Variants in HSPH1 observed in about 807,000 individuals in gnomAD.
HSPH1 encodes heat shock protein 105 kDa.
Under a neutral mutation model 100.0 loss-of-function variants are expected in HSPH1, and 40 were observed. The ratio of observed to expected loss-of-function variants is 0.40; its 90% confidence interval spans 0.31 to 0.52. HSPH1 has a LOEUF of 0.52. Ranked by LOEUF, HSPH1 falls within the 20% of genes least tolerant of loss-of-function variation. The pLI is 0.54. For missense variants in HSPH1, 876 were observed against 1,015.1 expected, an observed-to-expected ratio of 0.86 and a Z score of 1.86; for synonymous variants, 403 against 344.0, an observed-to-expected ratio of 1.17 and a Z score of -1.90.
chr13:31,139,385 T>C (rs3827693), intron 14 of HSPH1, among the ~76,000 whole-genome samples: 39,570 of 151,958 alleles, frequency 0.26, 5,361 homozygotes, highest in East Asian at 0.46. Flanking sequence ...TTTGTTGACT[T>C]ACACAACTAT....
At chr13:31,139,170 A>G in intron 14 of HSPH1, 63 bp from the exon 15 acceptor site, 2 of 1,054,578 alleles carry the variant, frequency 1.9e-6, no homozygotes, top group Non-Finnish European at 3.0e-6. Context: ...CAACAAAACA[A>G]AGAGGTATTC....
chr13:31,158,040 T>C (rs988671225), intron 2 of HSPH1, among the ~76,000 whole-genome samples: 1 of 152,236 alleles, frequency 6.6e-6, no homozygotes, highest in Non-Finnish European at 1.5e-5. Flanking sequence ...GGCTACCATA[T>C]TTTTTAAACA....
intron 10 of HSPH1, among the ~76,000 whole-genome samples, chr13:31,147,090 G>A (rs1956289483): frequency 6.6e-6 from 1 of 152,102 alleles, no homozygotes; most frequent in Non-Finnish European, 1.5e-5. Flanking sequence ...AAGCATGTAC[G>A]ACGTTTTCAG....
At chr13:31,137,895 A>C (rs1955941985) in intron 17 of HSPH1, among the ~76,000 whole-genome samples, 2 of 152,180 alleles carry the variant, frequency 1.3e-5, no homozygotes, top group Non-Finnish European at 1.5e-5. Context: ...TGAAACTGAC[A>C]GTGCTTAAAA....
In HSPH1 at chr13:31,161,767, CG is replaced by C; in HGVS notation, c.-186del. 6.6e-7 allele frequency: 1 copy of C among 1,509,010 alleles called. No homozygotes were observed. Among genetic ancestry groups the C allele is most frequent in the South Asian group, 1.2e-5 (1 of 81,934 alleles). 93.5% of individuals were successfully genotyped at this position (1,509,010 alleles called of 1,614,324 possible). ...GCCTGTCAGGAGCCTCCTACTCCCCCGGGGACAGCGGCGGCTGGCTGATAAG... is the reference window on the plus strand; with the variant it reads ...GCCTGTCAGGAGCCTCCTACTCCCCCGGGACAGCGGCGGCTGGCTGATAAG... On this transcript the variant is annotated 5_prime_UTR_variant, in exon 1 of 18. Transcript: ENST00000320027.
intron 16 of HSPH1, 41 bp from the exon 17 acceptor site, chr13:31,138,609 A>G: frequency 2.5e-6 from 4 of 1,570,474 alleles, no homozygotes; most frequent in Middle Eastern, 1.7e-4. Flanking sequence ...AATTTATTGA[A>G]CAATAGTATC....
Position 31,148,240 on chromosome 13 carries a change from T to C in HSPH1, c.1244+134A>G, listed in dbSNP as rs113896908. 4.5e-3 allele frequency: 4,911 copies of C among 1,080,406 alleles called. 169 individuals carry two copies. The African/African-American group carries it at 0.072, about 16-fold the overall frequency. The allele number at this position is 1,080,406 out of a possible 1,614,324, so 66.9% of individuals were successfully genotyped here. A position where few individuals can be genotyped will look rare whatever the true frequency, so the allele number is the denominator to read the frequency against. On this transcript the variant is annotated intron_variant, in intron 9 of 17. Coordinates refer to ENST00000320027, the MANE Select transcript of HSPH1 (RefSeq NM_006644.4). ...AAAATGAGAGAAATATTTTGGTAGA[T>C]TTGGTTGTTCAAAGATTCCAGGTAA... is the stretch of plus-strand genomic sequence containing the variant.
chr13:31,148,080 G>A lies in HSPH1; in HGVS notation c.1257C>T (p.Val419=), dbSNP rs751991641. 4.4e-6 allele frequency: 7 copies of A among 1,606,618 alleles called. No homozygotes were observed. Among genetic ancestry groups the A allele is most frequent in the East Asian group, 4.5e-5 (2 of 44,778 alleles). ...AAGGAGCAGCATGGTTTCGACTAAAGACTTCATGAACACTAGAGAGAAAAG... is the reference window on the plus strand; with the variant it reads ...AAGGAGCAGCATGGTTTCGACTAAAAACTTCATGAACACTAGAGAGAAAAG... ...DSEDTEGVHE[V]FSRNHAAPFS... is the part of the protein sequence containing the mutation. Residue 419 remains valine (V), a synonymous_variant, in exon 10 of 18, where the codon GTC becomes GTT. Coordinates refer to ENST00000320027, the MANE Select transcript of HSPH1 (RefSeq NM_006644.4).
At chr13:31,154,857 T>G in intron 3 of HSPH1, 102 bp from the exon 4 acceptor site, 3 of 987,048 alleles carry the variant, frequency 3.0e-6, no homozygotes, top group Non-Finnish European at 4.4e-6. Context: ...CACAAAATCT[T>G]TATTTTATTG....
At chr13:31,147,841 C>T (rs781505523) in intron 10 of HSPH1, 118 bp downstream of exon 10, 16 of 831,158 alleles carry the variant, frequency 1.9e-5, no homozygotes, top group Non-Finnish European at 2.5e-5. Flanking sequence ...AATGTCTTCA[C>T]ACAGAATTAT....
rs1228016531 is a variant in HSPH1 at position 31,161,862 on chromosome 13, T to A, written c.-280A>T. 1 of 1,483,694 alleles carries A rather than the reference T, an allele frequency of 6.7e-7. No homozygotes were observed. The highest frequency in any genetic ancestry group is 1.4e-5 in the African/African-American group (1 of 71,680). The allele number at this position is 1,483,694 out of a possible 1,614,324, so 91.9% of individuals were successfully genotyped here. A position where few individuals can be genotyped will look rare whatever the true frequency, so the allele number is the denominator to read the frequency against. On this transcript the variant is annotated 5_prime_UTR_variant, in exon 1 of 18. Transcript: ENST00000320027. ...GCACCTCGGGTTGCCTGCCTCACTCTGCCGCGGCTCGCACACCGGCGCCGG... is the reference window on the plus strand; with the variant it reads ...GCACCTCGGGTTGCCTGCCTCACTCAGCCGCGGCTCGCACACCGGCGCCGG...
chr13:31,146,649 A>G (rs1463888040), intron 10 of HSPH1, among the ~76,000 whole-genome samples: 1 of 152,196 alleles, frequency 6.6e-6, no homozygotes, highest in Admixed American at 6.5e-5. Flanking sequence ...GGGTTCCAGA[A>G]CATTACTAAT....
intron 6 of HSPH1, 183 bp downstream of exon 6, chr13:31,151,420 TTAAGAG>T: frequency 1.5e-6 from 1 of 681,854 alleles, no homozygotes; most frequent in East Asian, 2.8e-5. Flanking sequence ...ACAAGAACAC[TTAAGAG>T]TATGCTAAGA....
rs575218331 is a variant in HSPH1 at position 31,156,247 on chromosome 13, G to A, written c.166-593C>T. Among the ~76,000 whole-genome samples the A allele has an allele frequency of 8.5e-5, 13 of 152,204 alleles. No homozygotes were observed. The South Asian group carries it at 2.1e-3, about 24-fold the overall frequency. ...CTACTAAAAATACAAAAAATTAGCC[G>A]GGCGTGGTTGCGGGCACCTGCAGTC... On this transcript the variant is annotated intron_variant, in intron 2 of 17. Transcript: ENST00000320027.
At chr13:31,147,853 T>C in intron 10 of HSPH1, 106 bp downstream of exon 10, 1 of 892,414 alleles carries the variant, frequency 1.1e-6, no homozygotes, top group South Asian at 2.0e-5. Flanking sequence ...CAGAATTATG[T>C]TCCCCTCAAC....
intron 11 of HSPH1, among the ~76,000 whole-genome samples, chr13:31,144,287 A>G (rs917950118): frequency 3.9e-5 from 6 of 152,124 alleles, no homozygotes; most frequent in African/African-American, 1.2e-4. Flanking sequence ...TCCTAGAAAC[A>G]AGCTTCCAAA....
In HSPH1 at chr13:31,136,980, A is replaced by C. The variant is rs932606080; in HGVS notation, c.*338T>G. 2.7e-6 allele frequency: 1 copy of C among 372,472 alleles called. No homozygotes were observed. Among genetic ancestry groups the C allele is most frequent in the African/African-American group, 2.2e-5 (1 of 45,478 alleles). The allele number at this position is 372,472 out of a possible 1,614,324, so 23.1% of individuals were successfully genotyped here. Reference sequence around the variant, plus strand: ...ACTACCTTGGCAGGAACAAATGCTTAAAGATTTTAATCACAGCCCTCTTGA... The same window carrying C: ...ACTACCTTGGCAGGAACAAATGCTTCAAGATTTTAATCACAGCCCTCTTGA... On this transcript the variant is annotated 3_prime_UTR_variant, in exon 18 of 18. Transcript: ENST00000320027.
rs1212268082 is a variant in HSPH1 at position 31,135,085 on chromosome 13, G to A, written c.*2233C>T. On this transcript the variant is annotated 3_prime_UTR_variant, in exon 18 of 18. Transcript: ENST00000320027. ...TATTCAAACTGGTGCATATCTTTGA[G>A]ATCCTCGATGATTACTAGGTATATA... is the stretch of plus-strand genomic sequence containing the variant. 1 of 152,150 alleles carries A rather than the reference G, an allele frequency of 6.6e-6. No individual in the cohort carries two copies. The highest frequency in any genetic ancestry group is 1.5e-5 in the Non-Finnish European group (1 of 68,026). 9.4% of individuals were successfully genotyped at this position (152,150 alleles called of 1,614,324 possible). A position where few individuals can be genotyped will look rare whatever the true frequency, so the allele number is the denominator to read the frequency against.
chr13:31,159,168 G>T (rs1186844029), intron 1 of HSPH1, among the ~76,000 whole-genome samples: 1 of 152,150 alleles, frequency 6.6e-6, no homozygotes, highest in Non-Finnish European at 1.5e-5. Context: ...TATGTTAACG[G>T]TATTATTAAT....
Sources: allele counts gnomAD v4.1 joint callset (sites outside exome capture counted in the v4.1 genomes callset), GRCh38; gene constraint gnomAD v4.1.1; transcripts MANE v1.5; gene names NCBI Gene and HGNC (gene_info 2026-07-23, HGNC 2026-07-21).